Variants in CRACD observed in about 807,000 individuals in gnomAD.
The protein encoded by CRACD is capping protein inhibiting regulator of actin dynamics, also known as capping protein-inhibiting regulator of actin dynamics.
A neutral mutation model predicts 106.8 loss-of-function variants in CRACD; 56 were observed. The ratio of observed to expected loss-of-function variants is 0.52; its 90% CI spans 0.42 to 0.66. CRACD has a LOEUF of 0.66. Ranked by LOEUF, CRACD falls within the 30% of genes least tolerant of loss-of-function variation. The probability of loss-of-function intolerance (pLI) is 0.00; values close to 1 mark genes in which losing one functional copy is unlikely to be tolerated. For synonymous variants in CRACD, 754 were observed against 670.8 expected, an observed-to-expected ratio of 1.12 and a Z score of -1.92; for missense variants, 1,730 against 1,623.2, an observed-to-expected ratio of 1.07 and a Z score of -1.13.
At chr4:56,224,532 C>G (rs1446754079) in intron 2 of CRACD, among the ~76,000 whole-genome samples, 1 of 152,038 alleles carries the variant, frequency 6.6e-6, no homozygotes, top group Non-Finnish European at 1.5e-5. Context: ...TAGGAAAATG[C>G]AAATTAAAAC....
chr4:56,191,893 G>T (rs1737385510), intron 2 of CRACD, among the ~76,000 whole-genome samples: 1 of 152,118 alleles, frequency 6.6e-6, no homozygotes, highest in South Asian at 2.1e-4. Flanking sequence ...TCTTGTACAT[G>T]AATCTGCTTA....
intron 2 of CRACD, among the ~76,000 whole-genome samples, chr4:56,202,139 T>C (rs1168806806): frequency 6.6e-6 from 1 of 152,250 alleles, no homozygotes; most frequent in African/African-American, 2.4e-5. Context: ...TAGCTAAAGC[T>C]GTTTATGTGT....
intron 1 of CRACD, among the ~76,000 whole-genome samples, chr4:56,059,256 GACCAAACCCCACC>G (rs1300245013): frequency 6.6e-6 from 1 of 151,056 alleles, no homozygotes; most frequent in African/African-American, 2.5e-5. Flanking sequence ...TGGGCAACAA[GACCAAACCCCACC>G]TCTACAAAAC....
At chr4:56,232,793 C>T (rs1055446454) in intron 2 of CRACD, among the ~76,000 whole-genome samples, 2 of 151,840 alleles carry the variant, frequency 1.3e-5, no homozygotes, top group African/African-American at 4.8e-5. Context: ...GGCGCGATCT[C>T]GGCTCACTGC....
intron 2 of CRACD, among the ~76,000 whole-genome samples, chr4:56,180,790 T>C (rs1023968435): frequency 2.0e-5 from 3 of 152,210 alleles, no homozygotes; most frequent in Non-Finnish European, 2.9e-5. Context: ...GTAAGATGCA[T>C]GTTACCTCTA....
At chr4:56,230,608 G>C (rs1354905706) in intron 2 of CRACD, among the ~76,000 whole-genome samples, 1 of 152,164 alleles carries the variant, frequency 6.6e-6, no homozygotes, top group Non-Finnish European at 1.5e-5. Flanking sequence ...TGGTTTTCGA[G>C]CAGTGTTTCT....
Position 56,315,560 on chromosome 4 carries a change from C to A in CRACD, c.2058C>A (p.Ser686Arg), listed in dbSNP as rs768705327. The stretch of plus-strand genomic sequence containing the variant: ...ACGCAGAGAGTGACCCGCGCAGCAG[C>A]GAGAGGGACCAGTTGAGGCCCGGTG... The part of the protein sequence containing the change: ...LKNAESDPRS[S>R]ERDQLRPGDE... Residue 686 changes from serine to arginine, a missense_variant, in exon 8 of 11, where the codon AGC becomes AGA. Around this residue, in one of 5 missense-constraint regions of CRACD, gnomAD observed 1,620 missense variants for 1,481.6 expected, o/e 1.09. Transcript: ENST00000682029. The surrounding 1 kb of genome is among the most constrained non-coding windows in gnomAD (Gnocchi z 4.1). 94 of 1,614,000 alleles carry A rather than the reference C, an allele frequency of 5.8e-5. No individual in the cohort carries two copies. Among genetic ancestry groups the A allele is most frequent in the Non-Finnish European group, 6.9e-5 (82 of 1,180,032 alleles).
intron 2 of CRACD, among the ~76,000 whole-genome samples, chr4:56,192,951 G>C (rs2109459555): frequency 6.6e-6 from 1 of 152,216 alleles, no homozygotes. Context: ...TCCATGGCAG[G>C]GACAGTGTCT....
chr4:56,065,512 G>A (rs927476765), intron 1 of CRACD, among the ~76,000 whole-genome samples: 2 of 152,198 alleles, frequency 1.3e-5, no homozygotes, highest in South Asian at 4.1e-4. Context: ...TTGTTGTCAT[G>A]CAGGTAAGCC....
At chr4:56,309,736 C>T (rs1447879528) in intron 5 of CRACD, among the ~76,000 whole-genome samples, 5 of 152,062 alleles carry the variant, frequency 3.3e-5, no homozygotes, top group African/African-American at 1.2e-4. Context: ...TGCCTGTAAT[C>T]CCAGCTACTC....
chr4:56,319,921 C>T (rs988382154), intron 8 of CRACD, among the ~76,000 whole-genome samples: 1 of 152,124 alleles, frequency 6.6e-6, no homozygotes, highest in Admixed American at 6.5e-5. Flanking sequence ...CACCTATAAT[C>T]CCACAGTTTG....
chr4:56,087,690 G>T (rs1342318106), intron 1 of CRACD, among the ~76,000 whole-genome samples: 1 of 152,064 alleles, frequency 6.6e-6, no homozygotes, highest in Non-Finnish European at 1.5e-5. Flanking sequence ...GATGCCTACT[G>T]GACATAACTG....
chr4:56,179,816 G>A (rs1413503500), intron 2 of CRACD, among the ~76,000 whole-genome samples: 9 of 151,896 alleles, frequency 5.9e-5, no homozygotes, highest in Admixed American at 1.3e-4. Context: ...TCAGGAGTTC[G>A]AGACCAGGCT....
rs1212699059 is a variant in CRACD at position 56,306,989 on chromosome 4, T to C, written c.121-546T>C. ...GACCCAGTGTGGCAGAATGCAATGT[T>C]CTGGTTTGGGGTCTCAAGCTAAGGG... On this transcript the variant is annotated intron_variant, in intron 4 of 10. Transcript: ENST00000682029. 2.6e-5 allele frequency among the ~76,000 whole-genome samples: 4 copies of C among 152,192 alleles called. 1 individual carries two copies. Among genetic ancestry groups the C allele is most frequent in the Non-Finnish European group, 4.4e-5 (3 of 68,034 alleles).
At chr4:56,166,560 A>G (rs1358632020) in intron 1 of CRACD, among the ~76,000 whole-genome samples, 1 of 150,696 alleles carries the variant, frequency 6.6e-6, no homozygotes, top group Non-Finnish European at 1.5e-5. Flanking sequence ...CATGCCTATA[A>G]TCCCAGCAAC....
chr4:56,121,242 G>T (rs539980424), intron 1 of CRACD, among the ~76,000 whole-genome samples: 2 of 152,218 alleles, frequency 1.3e-5, no homozygotes, highest in African/African-American at 4.8e-5. Flanking sequence ...AATATTTCCT[G>T]TGCAAAATAA....
chr4:56,066,092 G>A (rs1577940254), intron 1 of CRACD, among the ~76,000 whole-genome samples: 2 of 152,088 alleles, frequency 1.3e-5, no homozygotes, highest in East Asian at 3.9e-4. Flanking sequence ...ATATTCATCT[G>A]ATGATGGACA....
At chr4:56,273,571 A>G (rs1742497111) in intron 3 of CRACD, among the ~76,000 whole-genome samples, 1 of 151,968 alleles carries the variant, frequency 6.6e-6, no homozygotes, top group Non-Finnish European at 1.5e-5. Context: ...AGCTGGTTAA[A>G]CTCTGATACT....
intron 6 of CRACD, chr4:56,311,347 C>T (rs1034786675): frequency 6.6e-6 from 1 of 152,500 alleles, no homozygotes; most frequent in Non-Finnish European, 1.5e-5. Flanking sequence ...GCAGGATCTG[C>T]TCCTGAAGAA....
Sources: gnomAD v4.1 joint callset for allele counts (sites outside exome capture counted in the v4.1 genomes callset) on GRCh38, gnomAD v4.1.1 for gene constraint, gnomAD v4.1.1 regional missense constraint, Gnocchi (gnomAD v3.1) non-coding constraint, MANE v1.5 for transcripts, NCBI Gene and HGNC (gene_info 2026-07-23, HGNC 2026-07-21) for gene names.